The following GATAD2A variants were observed in gnomAD, a reference collection of about 807,000 sequenced individuals.
GATAD2A encodes transcriptional repressor p66-alpha.
Under a neutral mutation model 68.5 loss-of-function variants are expected in GATAD2A, and 12 were observed. That is an observed-to-expected ratio of 0.18 (90% confidence interval 0.11 to 0.28). The LOEUF (loss-of-function observed/expected upper bound fraction) is 0.28, where lower values mean the gene tolerates loss of function less well. Ranked by LOEUF, GATAD2A falls within the 10% of genes least tolerant of loss-of-function variation. The probability of loss-of-function intolerance (pLI) is 1.00; values close to 1 mark genes in which losing one functional copy is unlikely to be tolerated. For missense variants in GATAD2A, 755 were observed against 868.5 expected, an observed-to-expected ratio of 0.87 and a Z score of 1.64; for synonymous variants, 410 against 375.3, an observed-to-expected ratio of 1.09 and a Z score of -1.07.
intron 1 of GATAD2A, among the ~76,000 whole-genome samples, chr19:19,408,257 T>A (rs2050516682): frequency 1.3e-5 from 2 of 152,244 alleles, no homozygotes. Context: ...AGTGCTGGGA[T>A]TACAGGCGTG....
chr19:19,387,956 G>C (rs1378387236), intron 1 of GATAD2A, among the ~76,000 whole-genome samples: 1 of 152,056 alleles, frequency 6.6e-6, no homozygotes, highest in African/African-American at 2.4e-5. Flanking sequence ...GAATTCCGTG[G>C]GGTTGCCTCC....
chr19:19,446,757 C>T (rs1600147298), intron 1 of GATAD2A, among the ~76,000 whole-genome samples: 1 of 152,154 alleles, frequency 6.6e-6, no homozygotes, highest in African/African-American at 2.4e-5. Context: ...GACAGTCTCA[C>T]TATGTTGCCC....
chr19:19,474,345 AC>A (rs1339203073), intron 2 of GATAD2A, among the ~76,000 whole-genome samples: 1 of 152,128 alleles, frequency 6.6e-6, no homozygotes. Context: ...AATTTAGGTC[AC>A]AAACTTTATC....
chr19:19,468,550 C>A (rs758787519), intron 2 of GATAD2A, among the ~76,000 whole-genome samples: 2 of 152,136 alleles, frequency 1.3e-5, no homozygotes, highest in Non-Finnish European at 1.5e-5. Context: ...AGAAGAAAAT[C>A]TTGAAAGTAG....
chr19:19,471,525 G>C (rs893481772), intron 2 of GATAD2A, among the ~76,000 whole-genome samples: 1 of 152,056 alleles, frequency 6.6e-6, no homozygotes, highest in African/African-American at 2.4e-5. Context: ...GCTGGGGGTG[G>C]GTGGGAGCAG....
chr19:19,463,653 T>C (rs1397593670), intron 1 of GATAD2A, among the ~76,000 whole-genome samples: 1 of 151,900 alleles, frequency 6.6e-6, no homozygotes, highest in East Asian at 1.9e-4. Flanking sequence ...AGATTCGGAG[T>C]CTCCCTGCCT....
At chr19:19,409,790 C>T (rs1199368192) in intron 1 of GATAD2A, among the ~76,000 whole-genome samples, 1 of 152,176 alleles carries the variant, frequency 6.6e-6, no homozygotes, top group African/African-American at 2.4e-5. Flanking sequence ...GCATGGGTTC[C>T]CCAGCATCCC....
rs142234839 is a variant in GATAD2A, at chr19:19,393,441, A to C, written c.-7+7303A>C. Among the ~76,000 whole-genome samples, 1,012 of 152,362 alleles carry C rather than the reference A, an allele frequency of 6.6e-3. 38 individuals carry two copies. Among genetic ancestry groups the C allele is most frequent in the Admixed American group, 0.062 (942 of 15,292 alleles). ...TAGAAAGTGTTAAATCTTCTGGCCC[A>C]TGTAACTTCCTATGCGAACAAATAA... On this transcript the variant is annotated intron_variant, in intron 1 of 11. Transcript: ENST00000360315.
At position 19,455,506 on chromosome 19, in the gene GATAD2A, A is replaced by T. The variant is rs7255227; in HGVS notation, c.-6-9834A>T. Among the ~76,000 whole-genome samples the T allele has an allele frequency of 3.8e-3, 585 of 152,096 alleles. 3 individuals are homozygous for T. Among genetic ancestry groups the T allele is most frequent in the African/African-American group, 0.012 (477 of 41,478 alleles). On this transcript the variant is annotated intron_variant, in intron 1 of 11. Transcript: ENST00000683918. ...CAAGACTCTGGGTCTTAAAAAAAAA[A>T]TTTTTTTTGAAGGAAAATAATGGAA...
chr19:19,474,012 T>C (rs895724672), intron 2 of GATAD2A: 1 of 983,138 alleles, frequency 1.0e-6, no homozygotes, highest in Admixed American at 6.1e-5. Flanking sequence ...CAGAAAGTAA[T>C]GTGATATTGC....
At chr19:19,499,420 G>C (rs904271323) in intron 8 of GATAD2A, among the ~76,000 whole-genome samples, 15 of 152,142 alleles carry the variant, frequency 9.9e-5, no homozygotes, top group African/African-American at 3.1e-4. Context: ...CAGAGCAGAG[G>C]AGTCGGCAGG....
chr19:19,460,287 G>A (rs1437054257), intron 1 of GATAD2A, among the ~76,000 whole-genome samples: 2 of 152,188 alleles, frequency 1.3e-5, no homozygotes, highest in Admixed American at 6.5e-5. Flanking sequence ...CATCTGTGCT[G>A]TGCATCAATC....
intron 1 of GATAD2A, among the ~76,000 whole-genome samples, chr19:19,419,228 C>T (rs1308075723): frequency 2.0e-5 from 3 of 152,220 alleles, no homozygotes; most frequent in African/African-American, 4.8e-5. Context: ...ATGTAGTTGG[C>T]ATGCATGTGT....
chr19:19,387,787 A>C (rs924765334), intron 1 of GATAD2A, among the ~76,000 whole-genome samples: 25 of 151,984 alleles, frequency 1.6e-4, no homozygotes, highest in African/African-American at 6.0e-4. Flanking sequence ...CAGTTTTCTG[A>C]GGGGTCCCCA....
chr19:19,402,814 G>A (rs1428122704), upstream of GATAD2A, among the ~76,000 whole-genome samples: 1 of 147,026 alleles, frequency 6.8e-6, no homozygotes, highest in Non-Finnish European at 1.5e-5. Context: ...GGCTCTGTCG[G>A]CCAGGCTGTA....
intron 1 of GATAD2A, among the ~76,000 whole-genome samples, chr19:19,386,780 C>A (rs1453674023): frequency 6.6e-6 from 1 of 151,958 alleles, no homozygotes; most frequent in Non-Finnish European, 1.5e-5. Context: ...CGGAGGGAAC[C>A]CCCACCTCTC....
In GATAD2A at chr19:19,506,627, T is replaced by G. The variant is rs188117458; in HGVS notation, c.*1153T>G. 8.3e-3 allele frequency: 1,278 copies of G among 153,250 alleles called. 20 individuals carry two copies. The highest frequency in any genetic ancestry group is 0.029 in the African/African-American group (1,223 of 41,616). The allele number at this position is 153,250 out of a possible 1,614,324, so 9.5% of individuals were successfully genotyped here. A position where few individuals can be genotyped will look rare whatever the true frequency, so the allele number is the denominator to read the frequency against. On this transcript the variant is annotated 3_prime_UTR_variant, in exon 12 of 12. Coordinates refer to ENST00000683918, the MANE Select transcript of GATAD2A (RefSeq NM_001384528.1). ...TTTGCTTTCAGACTTTTTTTTTTTT[T>G]GTAATTCCCTTTAGAGTCTACAAAA...
At chr19:19,439,251 A>G (rs917360711) in intron 1 of GATAD2A, among the ~76,000 whole-genome samples, 1 of 152,252 alleles carries the variant, frequency 6.6e-6, no homozygotes, top group African/African-American at 2.4e-5. Flanking sequence ...TTGGCCTGTC[A>G]GGTCCTCTTT....
At chr19:19,479,286 A>C (rs1435139801) in intron 2 of GATAD2A, among the ~76,000 whole-genome samples, 1 of 152,206 alleles carries the variant, frequency 6.6e-6, no homozygotes, top group Non-Finnish European at 1.5e-5. Flanking sequence ...ATAGTCTTAG[A>C]CTCACAGAAA....
Sources: gnomAD v4.1 joint callset for allele counts (sites outside exome capture counted in the v4.1 genomes callset) on GRCh38, gnomAD v4.1.1 for gene constraint, MANE v1.5 for transcripts, NCBI Gene and HGNC (gene_info 2026-07-23, HGNC 2026-07-21) for gene names.